BPIFC: variants seen among roughly 807,000 people sequenced by gnomAD.
BPIFC encodes BPI fold-containing family C protein.
A neutral mutation model predicts 57.6 loss-of-function variants in BPIFC; 60 were observed. The ratio of observed to expected loss-of-function variants is 1.04; its 90% CI spans 0.85 to 1.29. The LOEUF is 1.29. BPIFC is among the 50% of genes most tolerant of loss of function. The pLI is 0.00. For missense variants in BPIFC, 581 were observed against 600.5 expected (o/e 0.97, Z 0.34); for synonymous variants, 243 against 224.5 (o/e 1.08, Z -0.74).
intron 13 of BPIFC, among the ~76,000 whole-genome samples, chr22:32,430,338 T>C (rs1397671607): frequency 6.6e-6 from 1 of 152,134 alleles, no homozygotes; most frequent in Non-Finnish European, 1.5e-5. Flanking sequence ...CTTGGTTCCT[T>C]AACTCCCAAA....
intron 6 of BPIFC, 33 bp from the exon 7 acceptor site, chr22:32,445,731 A>AAAAAAAAAAAT (rs1568954978): frequency 5.2e-6 from 8 of 1,532,454 alleles, no homozygotes; most frequent in South Asian, 5.0e-5. Context: ...AAAAAAAAAA[A>AAAAAAAAAAAT]AAAAGAGGTT....
chr22:32,420,453 A>G (rs1039112955), intron 13 of BPIFC, among the ~76,000 whole-genome samples: 3 of 152,194 alleles, frequency 2.0e-5, no homozygotes, highest in Admixed American at 2.0e-4. Flanking sequence ...ACCCATCAGA[A>G]AGCCACATCA....
Position 32,462,565 on chromosome 22 carries a change from A to G in BPIFC, c.-88-904T>C, listed in dbSNP as rs866678803. On this transcript the variant is annotated intron_variant, in intron 1 of 16. Coordinates refer to ENST00000300399, the MANE Select transcript of BPIFC (RefSeq NM_174932.3). ...AAATTTTTATTTCTTTACCCTTTAC[A>G]AAACTCACAGTTCTTTGAAGTGGAT... is the stretch of plus-strand genomic sequence containing the variant. 2.4e-4 allele frequency among the ~76,000 whole-genome samples: 37 copies of G among 152,360 alleles called. No individual in the cohort carries two copies. The Middle Eastern group carries it at 0.014, about 56-fold the overall frequency.
chr22:32,419,272 G>A, intron 14 of BPIFC, 90 bp downstream of exon 14: 1 of 1,381,988 alleles, frequency 7.2e-7, no homozygotes, highest in Non-Finnish European at 1.0e-6. Flanking sequence ...AGGACTCCAA[G>A]TCACAGAAAA....
At chr22:32,444,423 G>C (rs992493198) in intron 7 of BPIFC, among the ~76,000 whole-genome samples, 3 of 152,184 alleles carry the variant, frequency 2.0e-5, no homozygotes, top group Non-Finnish European at 2.9e-5. Flanking sequence ...CAAGCACCGA[G>C]CTGAGCACTA....
rs567211224 is a variant in BPIFC at position 32,423,574 on chromosome 22, G to T, written c.1218-4170C>A. ...TGTTGCTTGGGAGGAGTTGTAGGGT[G>T]TGGGTGTGTGTGTGTGTGTGTGTGT... On this transcript the variant is annotated intron_variant, in intron 13 of 16. Transcript: ENST00000300399. 2.3e-5 allele frequency among the ~76,000 whole-genome samples: 3 copies of T among 132,822 alleles called. No homozygotes were observed. The South Asian group carries it at 7.4e-4, about 33-fold the overall frequency. 87.1% of individuals were successfully genotyped at this position (132,822 alleles called of 152,430 possible). A position where few individuals can be genotyped will look rare whatever the true frequency, so the allele number is the denominator to read the frequency against.
intron 3 of BPIFC, 53 bp downstream of exon 3, chr22:32,457,210 A>G (rs1935057015): frequency 6.4e-7 from 1 of 1,557,906 alleles, no homozygotes; most frequent in Non-Finnish European, 8.6e-7. Context: ...AGTTTGGGTC[A>G]CAGACCCCAC....
Position 32,414,138 on chromosome 22 carries a change from G to T in BPIFC, c.*165C>A. 1 of 762,546 alleles carries T rather than the reference G, an allele frequency of 1.3e-6. No individual in the cohort carries two copies. Among genetic ancestry groups the T allele is most frequent in the Non-Finnish European group, 2.0e-6 (1 of 487,836 alleles). 47.2% of individuals were successfully genotyped at this position (762,546 alleles called of 1,614,324 possible). ...CACCTCTATTTATCCCTTTAACAGA[G>T]TCTGCCTTATTCTGGGTTCCTGAAG... is the stretch of plus-strand genomic sequence containing the variant. On this transcript the variant is annotated 3_prime_UTR_variant, in exon 17 of 17. Coordinates refer to ENST00000300399, the MANE Select transcript of BPIFC (RefSeq NM_174932.3).
chr22:32,421,581 T>C (rs990517761), intron 13 of BPIFC, among the ~76,000 whole-genome samples: 1 of 152,202 alleles, frequency 6.6e-6, no homozygotes, highest in African/African-American at 2.4e-5. Context: ...CTGATAGAGA[T>C]ACTCTCCTGA....
chr22:32,417,775 T>G (rs1469140469), intron 14 of BPIFC, among the ~76,000 whole-genome samples: 1 of 152,200 alleles, frequency 6.6e-6, no homozygotes, highest in African/African-American at 2.4e-5. Context: ...TTCCCTTTAC[T>G]TACTGGGAAT....
At chr22:32,421,069 T>C (rs1933835093) in intron 13 of BPIFC, among the ~76,000 whole-genome samples, 1 of 152,168 alleles carries the variant, frequency 6.6e-6, no homozygotes, top group African/African-American at 2.4e-5. Context: ...TAGGTCCAAG[T>C]AGAAGGGAGT....
At chr22:32,463,201 G>A (rs1279457736) in intron 1 of BPIFC, among the ~76,000 whole-genome samples, 6 of 152,138 alleles carry the variant, frequency 3.9e-5, no homozygotes, top group African/African-American at 7.2e-5. Flanking sequence ...GTTCAGTTAC[G>A]ATGATAACTT....
intron 2 of BPIFC, among the ~76,000 whole-genome samples, chr22:32,459,827 G>A (rs1167831026): frequency 6.6e-6 from 1 of 151,536 alleles, no homozygotes; most frequent in African/African-American, 2.4e-5. Flanking sequence ...CTCCAGCTTG[G>A]GCAACGGAGC....
At position 32,447,344 on chromosome 22, in the gene BPIFC, T is replaced by C. The variant is rs371094596; in HGVS notation, c.246-4A>G. 1.6e-5 allele frequency: 26 copies of C among 1,609,550 alleles called. No individual in the cohort carries two copies. In the East Asian group the frequency reaches 3.1e-4, roughly 19 times the overall value. Reference sequence around the variant, plus strand: ...TGAAAAGGCACTGATTTTTATACTGTAAAACCAGAAACAAGAAGTTAGGGC... The same window carrying C: ...TGAAAAGGCACTGATTTTTATACTGCAAAACCAGAAACAAGAAGTTAGGGC... On this transcript the variant is annotated splice_polypyrimidine_tract_variant and splice_region_variant and intron_variant, in intron 4 of 16. Coordinates refer to ENST00000300399, the MANE Select transcript of BPIFC (RefSeq NM_174932.3).
chr22:32,446,629 A>T, intron 5 of BPIFC: 2 of 422,342 alleles, frequency 4.7e-6, no homozygotes, highest in Non-Finnish European at 6.3e-6. Context: ...TGACTGACTT[A>T]GTGGAAGAAT....
At position 32,415,900 on chromosome 22, in the gene BPIFC, G is replaced by T. The variant is rs768380588; in HGVS notation, c.1401+15C>A. On this transcript the variant is annotated intron_variant, in intron 16 of 16. Coordinates refer to ENST00000300399, the MANE Select transcript of BPIFC (RefSeq NM_174932.3). ...AAGAAATGGGTCAGTTAAGAGGTGA[G>T]ATTTGCATTCTTACCTCAAGAACTT... The T allele has an allele frequency of 1.8e-5, 28 of 1,545,870 alleles. No individual in the cohort carries two copies. In the South Asian group the frequency reaches 2.6e-4, roughly 14 times the overall value.
At chr22:32,455,937 A>T (rs573106733) in intron 3 of BPIFC, among the ~76,000 whole-genome samples, 1 of 152,362 alleles carries the variant, frequency 6.6e-6, no homozygotes, top group Admixed American at 6.5e-5. Flanking sequence ...ATTATAGCCC[A>T]TGGATGATCC....
intron 9 of BPIFC, among the ~76,000 whole-genome samples, chr22:32,436,346 AGAGGAGGAGGAGGAGGAG>A (rs1216074561): frequency 3.3e-4 from 31 of 92,758 alleles, no homozygotes; most frequent in South Asian, 9.8e-4. Flanking sequence ...AAGAAGAGGA[AGAGGAGGAGGAGGAGGAG>A]GAGGAGGAGG....
intron 9 of BPIFC, among the ~76,000 whole-genome samples, chr22:32,436,346 A>AGAGGAGGAGGAG (rs1216074561): frequency 3.2e-5 from 3 of 92,684 alleles, no homozygotes; most frequent in African/African-American, 9.4e-5. Context: ...AAGAAGAGGA[A>AGAGGAGGAGGAG]GAGGAGGAGG....
Sources: allele counts gnomAD v4.1 joint callset (sites outside exome capture counted in the v4.1 genomes callset), GRCh38; gene constraint gnomAD v4.1.1; transcripts MANE v1.5; gene names NCBI Gene and HGNC (gene_info 2026-07-23, HGNC 2026-07-21).